EPHA6: variants seen among roughly 807,000 people sequenced by gnomAD.
EPHA6 encodes ephrin type-A receptor 6.
In EPHA6, 50 loss-of-function variants were observed where a neutral mutation model predicts 112.0. The ratio of observed to expected loss-of-function variants is 0.45; its 90% CI spans 0.36 to 0.56. The LOEUF is 0.56. Ranked by LOEUF, EPHA6 falls within the 20% of genes least tolerant of loss-of-function variation. EPHA6 has a pLI of 0.00. For synonymous variants in EPHA6, 529 were observed against 490.7 expected (o/e 1.08, Z -1.03); for missense variants, 1,280 against 1,417.4 (o/e 0.90, Z 1.56).
chr3:97,124,687 A>T (rs1236108471), intron 3 of EPHA6, among the ~76,000 whole-genome samples: 1 of 152,146 alleles, frequency 6.6e-6, no homozygotes, highest in Non-Finnish European at 1.5e-5. Flanking sequence ...TGTCTATCCC[A>T]TCCCAACCTC....
In EPHA6 at chr3:97,624,134, A is replaced by G. The variant is rs553966994; in HGVS notation, c.2574+13280A>G. ...CATTATCTTAGAGGAAAAACTTTCA[A>G]TTTATAACGGTCGAGTATGATGTTC... On this transcript the variant is annotated intron_variant, in intron 13 of 17. Coordinates refer to ENST00000389672, the MANE Select transcript of EPHA6 (RefSeq NM_001080448.3). 4.0e-5 allele frequency among the ~76,000 whole-genome samples: 6 copies of G among 151,876 alleles called. No homozygotes were observed. In the East Asian group the frequency reaches 7.8e-4, roughly 20 times the overall value.
chr3:97,526,939 T>G (rs1408093548), intron 10 of EPHA6, among the ~76,000 whole-genome samples: 1 of 152,092 alleles, frequency 6.6e-6, no homozygotes, highest in Non-Finnish European at 1.5e-5. Context: ...AGAGCTGAGA[T>G]AGGGCCCCTT....
At chr3:96,910,650 TC>T (rs1190232182) in intron 2 of EPHA6, among the ~76,000 whole-genome samples, 18 of 152,182 alleles carry the variant, frequency 1.2e-4, no homozygotes, top group Admixed American at 1.0e-3. Context: ...TCTTTTCTTT[TC>T]TTAAATCTTT....
intron 3 of EPHA6, among the ~76,000 whole-genome samples, chr3:97,046,891 A>G (rs1226268728): frequency 2.0e-5 from 3 of 152,276 alleles, no homozygotes; most frequent in Middle Eastern, 3.4e-3. Context: ...CTTCAATACT[A>G]AAATGGATGA....
Position 97,749,062 on chromosome 3 carries a change from T to C in EPHA6, c.*361T>C, listed in dbSNP as rs577720730. 8 of 250,834 alleles carry C rather than the reference T, an allele frequency of 3.2e-5. No homozygotes were observed. Among genetic ancestry groups the C allele is most frequent in the Admixed American group, 2.5e-4 (5 of 19,760 alleles). The allele number at this position is 250,834 out of a possible 1,614,324, so 15.5% of individuals were successfully genotyped here. On this transcript the variant is annotated 3_prime_UTR_variant, in exon 18 of 18. Transcript: ENST00000389672. Reference sequence around the variant, plus strand: ...CCTTAGTGATGTATGTAGAGTGTGATGGTAGATGAGAAAGAACTAGTTGAC... The same window carrying C: ...CCTTAGTGATGTATGTAGAGTGTGACGGTAGATGAGAAAGAACTAGTTGAC...
chr3:97,195,885 G>T (rs1271012187), intron 3 of EPHA6, among the ~76,000 whole-genome samples: 2 of 151,874 alleles, frequency 1.3e-5, no homozygotes, highest in African/African-American at 4.8e-5. Flanking sequence ...TGTTATTTGT[G>T]TCTTTTTTCT....
chr3:96,844,519 T>C (rs1394117905), intron 1 of EPHA6, among the ~76,000 whole-genome samples: 1 of 152,056 alleles, frequency 6.6e-6, no homozygotes, highest in Non-Finnish European at 1.5e-5. Flanking sequence ...GCTGTATCTC[T>C]TTTGTCTTAT....
chr3:97,693,245 A>G (rs1006992479), intron 14 of EPHA6, among the ~76,000 whole-genome samples: 1 of 152,198 alleles, frequency 6.6e-6, no homozygotes, highest in Admixed American at 6.5e-5. Flanking sequence ...CAGGGAAAAC[A>G]CTGAGGATCA....
At chr3:97,610,758 C>T in intron 12 of EPHA6, 35 bp from the exon 13 acceptor site, 1 of 1,557,102 alleles carries the variant, frequency 6.4e-7, no homozygotes, top group African/African-American at 1.4e-5. Context: ...TCTGTAATTG[C>T]TCTAATCCAT....
chr3:97,110,205 T>G (rs2108280242), intron 3 of EPHA6, among the ~76,000 whole-genome samples: 1 of 152,168 alleles, frequency 6.6e-6, no homozygotes, highest in South Asian at 2.1e-4. Flanking sequence ...AAAATACTTG[T>G]AGATGGGGGT....
rs562274387 is a variant in EPHA6 at position 97,749,324 on chromosome 3, G to A, written c.*623G>A. The A allele has an allele frequency of 8.4e-5, 18 of 213,998 alleles. No individual in the cohort carries two copies. Among genetic ancestry groups the A allele is most frequent in the African/African-American group, 3.8e-4 (17 of 44,344 alleles). 13.3% of individuals were successfully genotyped at this position (213,998 alleles called of 1,614,324 possible). A position where few individuals can be genotyped will look rare whatever the true frequency, so the allele number is the denominator to read the frequency against. ...TATTAGGGAGGGAGAAAAAAATACT[G>A]TGTTTATAAATCTTCTGAGGCTGGG... is the stretch of plus-strand genomic sequence containing the variant. On this transcript the variant is annotated 3_prime_UTR_variant, in exon 18 of 18. Transcript: ENST00000389672.
At chr3:97,273,702 C>G (rs55847656) in intron 5 of EPHA6, among the ~76,000 whole-genome samples, 2 of 152,106 alleles carry the variant, frequency 1.3e-5, no homozygotes, top group African/African-American at 4.8e-5. Context: ...CACTGAATAC[C>G]AAGAGCCTGA....
intron 3 of EPHA6, among the ~76,000 whole-genome samples, chr3:97,115,538 A>G (rs1413746147): frequency 6.6e-6 from 1 of 151,818 alleles, no homozygotes; most frequent in East Asian, 1.9e-4. Flanking sequence ...TGTTTATTCT[A>G]TATGAAGTTG....
chr3:96,888,726 G>A (rs1280085874), intron 2 of EPHA6, among the ~76,000 whole-genome samples: 1 of 152,188 alleles, frequency 6.6e-6, no homozygotes, highest in Non-Finnish European at 1.5e-5. Flanking sequence ...GTGATGGGAG[G>A]AGCTGCTGTA....
intron 5 of EPHA6, among the ~76,000 whole-genome samples, chr3:97,372,992 G>A (rs954149101): frequency 1.3e-5 from 2 of 152,136 alleles, no homozygotes; most frequent in African/African-American, 4.8e-5. Context: ...AAAAGTAGGT[G>A]ATGATGTATG....
chr3:97,516,018 T>A (rs145989783), intron 10 of EPHA6, among the ~76,000 whole-genome samples: 6 of 152,040 alleles, frequency 3.9e-5, no homozygotes, highest in African/African-American at 1.4e-4. Flanking sequence ...GACCTAGCAA[T>A]GAAGGATATT....
chr3:97,595,902 C>CTT lies in EPHA6; in HGVS notation c.2512+3185_2512+3186dup, dbSNP rs1198606431. ...TTAAATATGTTATCAGACATATTCT[C>CTT]TTTTTTTTTTTTTTTTTTTTTGAGA... On this transcript the variant is annotated intron_variant, in intron 12 of 17. Coordinates refer to ENST00000389672, the MANE Select transcript of EPHA6 (RefSeq NM_001080448.3). 5.6e-3 allele frequency among the ~76,000 whole-genome samples: 647 copies of CTT among 115,010 alleles called. 2 individuals are homozygous for CTT. Among genetic ancestry groups the CTT allele is most frequent in the Non-Finnish European group, 7.2e-3 (423 of 58,496 alleles). 75.5% of individuals were successfully genotyped at this position (115,010 alleles called of 152,430 possible).
chr3:97,348,523 G>A (rs2083646913), intron 5 of EPHA6, among the ~76,000 whole-genome samples: 1 of 151,292 alleles, frequency 6.6e-6, no homozygotes, highest in Non-Finnish European at 1.5e-5. Context: ...CAGGTTACTT[G>A]AGAATAGTTA....
intron 11 of EPHA6, among the ~76,000 whole-genome samples, chr3:97,560,173 T>C (rs115244643): frequency 7.3e-5 from 11 of 151,558 alleles, no homozygotes; most frequent in African/African-American, 2.7e-4. Context: ...AAAAAAAGAA[T>C]CCATGGAATA....
Sources: gnomAD v4.1 joint callset for allele counts (sites outside exome capture counted in the v4.1 genomes callset) on GRCh38, gnomAD v4.1.1 for gene constraint, MANE v1.5 for transcripts, NCBI Gene and HGNC (gene_info 2026-07-23, HGNC 2026-07-21) for gene names.